The following THSD7A variants were observed in gnomAD, a reference collection of about 807,000 sequenced individuals.
The protein encoded by THSD7A is thrombospondin type-1 domain-containing protein 7A.
In THSD7A, 96 loss-of-function variants were observed where a neutral mutation model predicts 231.3. The ratio of observed to expected loss-of-function variants is 0.41; its 90% CI spans 0.35 to 0.49. The LOEUF is 0.49. Among genes scored for constraint, THSD7A ranks in the 20% least tolerant of loss-of-function variants. THSD7A has a pLI of 0.05. For synonymous variants in THSD7A, 940 were observed against 743.3 expected (o/e 1.26, Z -4.30); for missense variants, 2,290 against 2,070.2 (o/e 1.11, Z -2.06).
At chr7:11,597,495 G>A (rs1026288314) in intron 2 of THSD7A, among the ~76,000 whole-genome samples, 1 of 152,192 alleles carries the variant, frequency 6.6e-6, no homozygotes. Context: ...CATATCCAAT[G>A]GTGATTGAGG....
At chr7:11,763,133 A>G (rs1239120175) in intron 1 of THSD7A, among the ~76,000 whole-genome samples, 1 of 152,154 alleles carries the variant, frequency 6.6e-6, no homozygotes, top group Non-Finnish European at 1.5e-5. Flanking sequence ...CCATAGCACT[A>G]AAGGCCATTC....
intron 1 of THSD7A, among the ~76,000 whole-genome samples, chr7:11,694,926 T>C (rs1780342523): frequency 6.6e-6 from 1 of 151,516 alleles, no homozygotes; most frequent in Non-Finnish European, 1.5e-5. Context: ...GTGATGAGTC[T>C]AGAATAGAAG....
chr7:11,429,780 A>G (rs1431030521), intron 13 of THSD7A, among the ~76,000 whole-genome samples: 1 of 152,204 alleles, frequency 6.6e-6, no homozygotes, highest in Non-Finnish European at 1.5e-5. Context: ...AGGTAAGAAA[A>G]CAAATGCAGA....
Position 11,569,068 on chromosome 7 carries a change from G to T in THSD7A, c.1453+21392C>A, listed in dbSNP as rs186286916. 3.3e-5 allele frequency among the ~76,000 whole-genome samples: 5 copies of T among 150,284 alleles called. No homozygotes were observed. In the East Asian group the frequency reaches 9.8e-4, roughly 29 times the overall value. ...AAATGAATTAAGAACTTAAACATAA[G>T]ACCTGAAACTATAAAATGACTAGAA... On this transcript the variant is annotated intron_variant, in intron 4 of 27. Transcript: ENST00000423059.
At chr7:11,547,448 G>T (rs1789448017) in intron 4 of THSD7A, among the ~76,000 whole-genome samples, 2 of 152,108 alleles carry the variant, frequency 1.3e-5, no homozygotes, top group African/African-American at 4.8e-5. Context: ...TAAAAGGATG[G>T]AGAAAACTAA....
chr7:11,753,083 T>C (rs1363013706), intron 1 of THSD7A, among the ~76,000 whole-genome samples: 1 of 152,112 alleles, frequency 6.6e-6, no homozygotes, highest in East Asian at 1.9e-4. Context: ...ACTATGGAGG[T>C]TATATAAGAA....
chr7:11,781,627 G>C (rs988814455), intron 1 of THSD7A, among the ~76,000 whole-genome samples: 1 of 152,106 alleles, frequency 6.6e-6, no homozygotes, highest in Non-Finnish European at 1.5e-5. Flanking sequence ...ACCTGGGTTG[G>C]TCCTAAATTA....
rs1455407014 is a variant in THSD7A at position 11,658,243 on chromosome 7, T to C, written c.191-21282A>G. On this transcript the variant is annotated intron_variant, in intron 1 of 27. Transcript: ENST00000423059. The stretch of plus-strand genomic sequence containing the variant: ...TTTTTAAGAGAGAGTCACTTATTAT[T>C]GTTGAAAATGAAGACATAACAGCAA... Among the ~76,000 whole-genome samples the C allele has an allele frequency of 3.9e-5, 6 of 151,954 alleles. No homozygotes were observed. The East Asian group carries it at 1.2e-3, about 30-fold the overall frequency.
chr7:11,640,730 T>TA (rs1782048317), intron 1 of THSD7A, among the ~76,000 whole-genome samples: 1 of 152,044 alleles, frequency 6.6e-6, no homozygotes, highest in Non-Finnish European at 1.5e-5. Flanking sequence ...CAGCTACATA[T>TA]AAAAATATAA....
chr7:11,508,583 C>A (rs1461013530), intron 6 of THSD7A, among the ~76,000 whole-genome samples: 1 of 152,138 alleles, frequency 6.6e-6, no homozygotes, highest in Non-Finnish European at 1.5e-5. Context: ...ATGCTGTAAC[C>A]CCATTTCTGG....
intron 6 of THSD7A, among the ~76,000 whole-genome samples, chr7:11,517,458 G>A (rs937167987): frequency 2.0e-5 from 3 of 151,910 alleles, no homozygotes; most frequent in Non-Finnish European, 2.9e-5. Flanking sequence ...CTGAAACAGG[G>A]AATATCATTA....
intron 1 of THSD7A, among the ~76,000 whole-genome samples, chr7:11,790,920 CCCTT>C (rs1783933025): frequency 2.0e-5 from 3 of 151,872 alleles, no homozygotes; most frequent in African/African-American, 7.2e-5. Flanking sequence ...ATCTCTAAGT[CCCTT>C]CATTATTCTT....
intron 4 of THSD7A, among the ~76,000 whole-genome samples, chr7:11,586,060 C>A (rs1237388184): frequency 6.6e-6 from 1 of 152,078 alleles, no homozygotes; most frequent in Non-Finnish European, 1.5e-5. Context: ...CAAGCTGTAG[C>A]CATCATGGGT....
At chr7:11,439,868 G>A (rs1445607397) in intron 13 of THSD7A, among the ~76,000 whole-genome samples, 1 of 152,072 alleles carries the variant, frequency 6.6e-6, no homozygotes, top group Non-Finnish European at 1.5e-5. Flanking sequence ...CAAATATCTA[G>A]TTAAGGTAAT....
chr7:11,759,652 A>C (rs936771765), intron 1 of THSD7A, among the ~76,000 whole-genome samples: 2 of 152,080 alleles, frequency 1.3e-5, no homozygotes, highest in East Asian at 3.9e-4. Context: ...ACATACACAT[A>C]TACACACACA....
chr7:11,534,450 C>T (rs1366333777), intron 6 of THSD7A, among the ~76,000 whole-genome samples: 2 of 152,146 alleles, frequency 1.3e-5, no homozygotes, highest in African/African-American at 2.4e-5. Context: ...GGATGAGAGT[C>T]CATGTACCAA....
At position 11,481,869 on chromosome 7, in the gene THSD7A, A is replaced by G; in HGVS notation, c.1936T>C (p.Cys646Arg). The G allele has an allele frequency of 6.2e-7, 1 of 1,613,790 alleles. No homozygotes were observed. The highest frequency in any genetic ancestry group is 8.5e-7 in the Non-Finnish European group (1 of 1,179,738). ...GTTTTCCCTGAGCAGGTGTGTGAGC[A>G]GGAGGACCACGTAGACCATGTGCTG... The part of the protein sequence containing the change: ...VLSTWSTWSS[C>R]SHTCSGKTTE... The change falls in exon 7 of 28, where the codon TGC becomes CGC. Residue 646 changes from cysteine (C) to arginine (R), a missense_variant. Physicochemically the swap from Cys to Arg is radical, Grantham distance 180. Coordinates refer to ENST00000423059, the MANE Select transcript of THSD7A (RefSeq NM_015204.3).
chr7:11,598,417 C>T (rs1319594908), intron 2 of THSD7A, among the ~76,000 whole-genome samples: 3 of 152,182 alleles, frequency 2.0e-5, no homozygotes, highest in African/African-American at 2.4e-5. Context: ...CAGCCTCTTT[C>T]CCCAGCCACC....
chr7:11,372,818 A>G lies in THSD7A; in HGVS notation c.*2976T>C, dbSNP rs182969103. ...AAAATAAGGTTTTGATGAAATTCCA[A>G]TAAAATATTTAACTCATTATTGTCT... On this transcript the variant is annotated 3_prime_UTR_variant, in exon 28 of 28. Coordinates refer to ENST00000423059, the MANE Select transcript of THSD7A (RefSeq NM_015204.3). 3 of 152,188 alleles carry G rather than the reference A, an allele frequency of 2.0e-5. No homozygotes were observed. The East Asian group carries it at 5.8e-4, about 29-fold the overall frequency. 9.4% of individuals were successfully genotyped at this position (152,188 alleles called of 1,614,324 possible). A position where few individuals can be genotyped will look rare whatever the true frequency, so the allele number is the denominator to read the frequency against.
Sources: gnomAD v4.1 joint callset for allele counts (sites outside exome capture counted in the v4.1 genomes callset) on GRCh38, gnomAD v4.1.1 for gene constraint, MANE v1.5 for transcripts, NCBI Gene and HGNC (gene_info 2026-07-23, HGNC 2026-07-21) for gene names.